The following COX10 variants were observed in gnomAD, a reference collection of about 807,000 sequenced individuals.
COX10 encodes the protein protoheme IX farnesyltransferase, mitochondrial.
Under a neutral mutation model 37.3 loss-of-function variants are expected in COX10, and 27 were observed. The ratio of observed to expected loss-of-function variants is 0.72; its 90% confidence interval spans 0.53 to 1.00. The LOEUF (loss-of-function observed/expected upper bound fraction) is 1.00, where lower values mean the gene tolerates loss of function less well. Ranked by LOEUF, COX10 falls within the 50% of genes least tolerant of loss-of-function variation. The pLI, the probability that COX10 is intolerant of heterozygous loss-of-function variation, is 0.00. For synonymous variants in COX10, 222 were observed against 229.1 expected (o/e 0.97, Z 0.28); for missense variants, 475 against 563.2 (o/e 0.84, Z 1.59).
In COX10 at chr17:14,130,610, AG is replaced by A. The variant is rs562403935; in HGVS notation, c.624+28369del. The stretch of plus-strand genomic sequence containing the variant: ...ATAGGATTTTTTTTCTAAGAGTTAA[AG>A]TAAATCTGTTAATTTTTAAATTTTC... On this transcript the variant is annotated intron_variant, in intron 4 of 6. Coordinates refer to ENST00000261643, the MANE Select transcript of COX10 (RefSeq NM_001303.4). 1.1e-4 allele frequency among the ~76,000 whole-genome samples: 16 copies of A among 152,198 alleles called. No homozygotes were observed. In the East Asian group the frequency reaches 3.1e-3, roughly 29 times the overall value.
chr17:14,207,375 C>T lies in COX10; in HGVS notation c.*162C>T, dbSNP rs1236513087. On this transcript the variant is annotated 3_prime_UTR_variant, in exon 7 of 7. Transcript: ENST00000261643. ...AGTTTTTTTTTTTTTTAAATATTAC[C>T]CAAAATGCTCCCCAAATAAGAAATG... 1.1e-6 allele frequency: 1 copy of T among 881,028 alleles called. No homozygotes were observed. Among genetic ancestry groups the T allele is most frequent in the African/African-American group, 1.7e-5 (1 of 58,812 alleles). 54.6% of individuals were successfully genotyped at this position (881,028 alleles called of 1,614,324 possible).
At chr17:14,097,680 T>C (rs1388436506) in intron 3 of COX10, among the ~76,000 whole-genome samples, 1 of 152,178 alleles carries the variant, frequency 6.6e-6, no homozygotes, top group Non-Finnish European at 1.5e-5. Flanking sequence ...CCTTTTCAAT[T>C]TTAAACAAAA....
At chr17:14,155,714 CAAAAAAAAAAAGAA>C (rs897213939) in intron 4 of COX10, among the ~76,000 whole-genome samples, 13 of 118,670 alleles carry the variant, frequency 1.1e-4, no homozygotes, top group Non-Finnish European at 2.1e-4. Flanking sequence ...GACTCCATCT[CAAAAAAAAAAAGAA>C]AAAAAAAGAA....
chr17:14,182,380 A>G (rs1905894591), intron 5 of COX10: 1 of 902,296 alleles, frequency 1.1e-6, no homozygotes, highest in Non-Finnish European at 1.3e-6. Flanking sequence ...TTCTTCTTAT[A>G]TTCTTCGCAT....
chr17:14,204,838 A>T (rs544290376), intron 6 of COX10, among the ~76,000 whole-genome samples: 1 of 152,300 alleles, frequency 6.6e-6, no homozygotes, highest in South Asian at 2.1e-4. Context: ...GCAGTGGCTC[A>T]TGCCTGTAAT....
intron 4 of COX10, among the ~76,000 whole-genome samples, chr17:14,142,635 A>G (rs1567600621): frequency 6.6e-6 from 1 of 152,196 alleles, no homozygotes; most frequent in Admixed American, 6.5e-5. Flanking sequence ...GAACTCTATT[A>G]TATCTTTTCT....
At chr17:14,081,125 C>T (rs894209601) in intron 3 of COX10, among the ~76,000 whole-genome samples, 2 of 152,142 alleles carry the variant, frequency 1.3e-5, no homozygotes, top group East Asian at 1.9e-4. Flanking sequence ...TATATCATGC[C>T]GCAGTGACAG....
chr17:14,093,201 G>A (rs1915566231), intron 3 of COX10, among the ~76,000 whole-genome samples: 1 of 152,132 alleles, frequency 6.6e-6, no homozygotes, highest in South Asian at 2.1e-4. Context: ...TCTTTTATCA[G>A]AATTGATAGT....
intron 4 of COX10, 68 bp from the exon 5 acceptor site, chr17:14,159,809 G>A (rs1597527864): frequency 1.7e-6 from 2 of 1,205,216 alleles, no homozygotes; most frequent in East Asian, 2.5e-5. Flanking sequence ...AAAATGTTCA[G>A]TACTAAAGCG....
At chr17:14,161,378 A>G (rs1406145921) in intron 5 of COX10, among the ~76,000 whole-genome samples, 1 of 152,236 alleles carries the variant, frequency 6.6e-6, no homozygotes, top group Middle Eastern at 3.2e-3. Context: ...AGGTGGAACT[A>G]TCACTTTAAT....
intron 5 of COX10, among the ~76,000 whole-genome samples, chr17:14,188,364 T>C (rs960013206): frequency 2.0e-5 from 3 of 151,812 alleles, no homozygotes; most frequent in African/African-American, 7.3e-5. Flanking sequence ...TAATCTTTCA[T>C]CTGGAAAATC....
chr17:14,152,375 A>G (rs1483097942), intron 4 of COX10, among the ~76,000 whole-genome samples: 1 of 152,208 alleles, frequency 6.6e-6, no homozygotes, highest in Non-Finnish European at 1.5e-5. Context: ...TCAAACCATC[A>G]GATCTTGTGA....
chr17:14,116,839 C>T (rs563656437), intron 4 of COX10, among the ~76,000 whole-genome samples: 1 of 152,276 alleles, frequency 6.6e-6, no homozygotes, highest in Non-Finnish European at 1.5e-5. Flanking sequence ...GCATCCTCAA[C>T]ACAACATCCA....
At chr17:14,115,771 A>T (rs1327188131) in intron 4 of COX10, among the ~76,000 whole-genome samples, 1 of 152,214 alleles carries the variant, frequency 6.6e-6, no homozygotes, top group Non-Finnish European at 1.5e-5. Context: ...CGAGTCAGAC[A>T]CAGAAAGATA....
At chr17:14,182,299 T>A in intron 5 of COX10, 6 of 800,030 alleles carry the variant, frequency 7.5e-6, no homozygotes, top group Non-Finnish European at 9.1e-6. Context: ...AATAAATAAA[T>A]AAATAAAAAG....
intron 3 of COX10, among the ~76,000 whole-genome samples, chr17:14,086,742 G>T (rs1915416459): frequency 6.6e-6 from 1 of 151,974 alleles, no homozygotes; most frequent in South Asian, 2.1e-4. Flanking sequence ...TCTTTGTTTA[G>T]TTATTTGCTT....
intron 4 of COX10, among the ~76,000 whole-genome samples, chr17:14,152,739 C>T (rs567534700): frequency 6.6e-6 from 1 of 152,200 alleles, no homozygotes. Context: ...GTCCTTGCCA[C>T]TTCTAAACAT....
intron 3 of COX10, among the ~76,000 whole-genome samples, chr17:14,078,075 G>A (rs1327172056): frequency 6.6e-6 from 1 of 152,038 alleles, no homozygotes; most frequent in African/African-American, 2.4e-5. Context: ...TGGTGAAGGA[G>A]CTAAAAAGTC....
chr17:14,138,550 G>T (rs999314725), intron 4 of COX10, among the ~76,000 whole-genome samples: 1 of 152,022 alleles, frequency 6.6e-6, no homozygotes, highest in South Asian at 2.1e-4. Context: ...CAGCCCTACC[G>T]GTTCTTGAGT....
Sources: allele counts gnomAD v4.1 joint callset (sites outside exome capture counted in the v4.1 genomes callset), GRCh38; gene constraint gnomAD v4.1.1; transcripts MANE v1.5; gene names NCBI Gene and HGNC (gene_info 2026-07-23, HGNC 2026-07-21).